Variants in SEPTIN4 observed in about 807,000 individuals in gnomAD.
SEPTIN4 encodes septin 4, also known as septin-4.
SEPTIN4 carries 52 observed loss-of-function variants against 107.1 expected under a neutral mutation model. The ratio of observed to expected loss-of-function variants is 0.49; its 90% CI spans 0.39 to 0.61. The LOEUF (loss-of-function observed/expected upper bound fraction) is 0.61. Among genes scored for constraint, SEPTIN4 ranks in the 20% least tolerant of loss-of-function variants. The probability of loss-of-function intolerance (pLI) is 0.00; values close to 1 mark genes in which losing one functional copy is unlikely to be tolerated. For synonymous variants in SEPTIN4, 417 were observed against 467.0 expected, an observed-to-expected ratio of 0.89 and a Z score of 1.38; for missense variants, 1,048 against 1,243.5, an observed-to-expected ratio of 0.84 and a Z score of 2.36.
chr17:58,525,248 C>A, intron 6 of SEPTIN4, 47 bp from the exon 7 acceptor site: 1 of 1,605,658 alleles, frequency 6.2e-7, no homozygotes, highest in South Asian at 1.1e-5. Flanking sequence ...GGGACCTGCC[C>A]AGTCAGGATG....
chr17:58,543,510 T>C lies in SEPTIN4; in HGVS notation c.677A>G (p.Glu226Gly). 1 of 1,614,208 alleles carries C rather than the reference T, an allele frequency of 6.2e-7. No individual in the cohort carries two copies. Among genetic ancestry groups the C allele is most frequent in the East Asian group, 2.2e-5 (1 of 44,880 alleles). The change falls in exon 1 of 14, where the codon GAG becomes GGG. Residue 226 changes from glutamate to glycine, a missense_variant. Coordinates refer to ENST00000672673, the MANE Select transcript of SEPTIN4 (RefSeq NM_001368771.2). ...IRSPRSPSLL[E>G]HGSSCVSADY... is the part of the protein sequence containing the mutation. The stretch of plus-strand genomic sequence containing the variant: ...TGCAGAGACACAGCTGCTTCCGTGC[T>C]CTAGGAGAGAGGGACTCCTTGGAGA...
rs765816695 is a variant in SEPTIN4, at chr17:58,544,076, T to C, written c.111A>G (p.Ser37=). The C allele has an allele frequency of 6.2e-7, 1 of 1,614,150 alleles. No homozygotes were observed. The highest frequency in any genetic ancestry group is 8.5e-7 in the Non-Finnish European group (1 of 1,180,036). Residue 37 remains serine (S), a synonymous_variant, in exon 1 of 14, where the codon TCA becomes TCG. Coordinates refer to ENST00000672673, the MANE Select transcript of SEPTIN4 (RefSeq NM_001368771.2). ...PQQGHGYVLA[S]SHRSAAVSLN... ...GGGAGACTGCAGCACTTCGATGGCTTGAGGCAAGAACGTACCCATGTCCCT... is the reference window on the plus strand; with the variant it reads ...GGGAGACTGCAGCACTTCGATGGCTCGAGGCAAGAACGTACCCATGTCCCT...
chr17:58,530,663 T>TA (rs1463934062), intron 3 of SEPTIN4: 1 of 152,378 alleles, frequency 6.6e-6, no homozygotes, highest in East Asian at 1.9e-4. Context: ...AAAGCCCCTC[T>TA]AGCCCCTGCT....
intron 7 of SEPTIN4, among the ~76,000 whole-genome samples, chr17:58,523,299 CG>C (rs2042476139): frequency 6.7e-6 from 1 of 149,350 alleles, no homozygotes; most frequent in Non-Finnish European, 1.5e-5. Flanking sequence ...AACCTGAGCC[CG>C]GGGAGCCCCG....
At chr17:58,533,189 G>T (rs1371121895) in intron 3 of SEPTIN4, among the ~76,000 whole-genome samples, 2 of 152,076 alleles carry the variant, frequency 1.3e-5, no homozygotes, top group Non-Finnish European at 2.9e-5. Flanking sequence ...GGGGCAGCAG[G>T]TAAGATCAGG....
At chr17:58,522,471 C>G (rs1232266959) in intron 7 of SEPTIN4, among the ~76,000 whole-genome samples, 1 of 151,778 alleles carries the variant, frequency 6.6e-6, no homozygotes, top group Non-Finnish European at 1.5e-5. Context: ...ACCACCCTGA[C>G]CAACATGGTG....
At chr17:58,526,555 C>A (rs2042898009) in intron 4 of SEPTIN4, 127 bp downstream of exon 4, 2 of 1,417,584 alleles carry the variant, frequency 1.4e-6, no homozygotes, top group Non-Finnish European at 9.2e-7. Context: ...AAATAGGTCC[C>A]AGATACACAC....
At position 58,520,494 on chromosome 17, in the gene SEPTIN4, G is replaced by A. The variant is rs2042141975; in HGVS notation, c.2932-9C>T. Reference sequence around the variant, plus strand: ...TCCTGCATCCGCCGCAGCTGGAATAGGCACAGGCATCAAAATGGGGACTTT... The same window carrying A: ...TCCTGCATCCGCCGCAGCTGGAATAAGCACAGGCATCAAAATGGGGACTTT... On this transcript the variant is annotated splice_polypyrimidine_tract_variant and intron_variant, in intron 13 of 13. Coordinates refer to ENST00000672673, the MANE Select transcript of SEPTIN4 (RefSeq NM_001368771.2). The A allele has an allele frequency of 6.2e-7, 1 of 1,613,664 alleles. No homozygotes were observed.
Position 58,538,635 on chromosome 17 carries a change from C to CA in SEPTIN4, c.1614+2030_1614+2031insT, listed in dbSNP as rs1342442083. On this transcript the variant is annotated intron_variant, in intron 3 of 13. Coordinates refer to ENST00000672673, the MANE Select transcript of SEPTIN4 (RefSeq NM_001368771.2). This position sits in a 1 kb window ranked among gnomAD's most constrained non-coding sequence, Gnocchi z 4.7. ...GTTGAGCTTTTGCTAGTTCTGATCC[C>CA]CAAAAAAAACCCATCAGGAATGCTT... is the stretch of plus-strand genomic sequence containing the variant. Among the ~76,000 whole-genome samples, 24 of 151,484 alleles carry CA rather than the reference C, an allele frequency of 1.6e-4. No homozygotes were observed. Among genetic ancestry groups the CA allele is most frequent in the East Asian group, 3.9e-4 (2 of 5,162 alleles).
At chr17:58,533,127 G>A (rs763081296) in intron 3 of SEPTIN4, among the ~76,000 whole-genome samples, 1 of 152,238 alleles carries the variant, frequency 6.6e-6, no homozygotes, top group Non-Finnish European at 1.5e-5. Flanking sequence ...CTGTGAACCA[G>A]TAGCACTGGT....
At position 58,543,605 on chromosome 17, in the gene SEPTIN4, C is replaced by A. The variant is rs1390405655; in HGVS notation, c.582G>T (p.Leu194Phe). 1.9e-6 allele frequency: 3 copies of A among 1,614,192 alleles called. No homozygotes were observed. The highest frequency in any genetic ancestry group is 1.6e-4 in the Middle Eastern group (1 of 6,062). ...GTACTGCTTCATCCTTTGGGTAAGA[C>A]AAAATCCTACGGGGAACTCTGACTC... ...PQGVRVPRRI[L>F]SYPKDEAVQT... The change falls in exon 1 of 14, where the codon TTG (leucine) becomes TTT (phenylalanine). Residue 194 changes from leucine (L) to phenylalanine (F), a missense_variant. Leu to Phe is a conservative substitution (Grantham distance 22). Coordinates refer to ENST00000672673, the MANE Select transcript of SEPTIN4 (RefSeq NM_001368771.2).
rs1332411782 is a variant in SEPTIN4, at chr17:58,521,529, C to T, written c.2571+16G>A. 3 of 1,612,850 alleles carry T rather than the reference C, an allele frequency of 1.9e-6. No homozygotes were observed. The East Asian group carries it at 6.7e-5, about 36-fold the overall frequency. On this transcript the variant is annotated intron_variant, in intron 10 of 13. Coordinates refer to ENST00000672673, the MANE Select transcript of SEPTIN4 (RefSeq NM_001368771.2). The surrounding 1 kb of genome is among the most constrained non-coding windows in gnomAD (Gnocchi z 6.4). ...AAGAAATAAGATAGGAATGGGATGC[C>T]CTAGAGTGGCCCCACCTTTAGGGCT... is the stretch of plus-strand genomic sequence containing the variant.
intron 3 of SEPTIN4, 56 bp from the exon 4 acceptor site, chr17:58,527,034 G>A (rs2042988851): frequency 6.2e-7 from 1 of 1,612,896 alleles, no homozygotes; most frequent in African/African-American, 1.3e-5. Context: ...GGAGCCGGAA[G>A]GGAAGAATGA....
At chr17:58,520,594 T>C (rs573670262) in intron 13 of SEPTIN4, 109 bp from the exon 14 acceptor site, 1 of 1,515,584 alleles carries the variant, frequency 6.6e-7, no homozygotes, top group African/African-American at 1.4e-5. Flanking sequence ...AGCCGTGAGG[T>C]GTGATGGAGA....
rs1199606126 is a variant in SEPTIN4, at chr17:58,538,757, AG to A, written c.1614+1908del. Among the ~76,000 whole-genome samples, 2 of 152,118 alleles carry A rather than the reference AG, an allele frequency of 1.3e-5. No homozygotes were observed. The highest frequency in any genetic ancestry group is 4.8e-5 in the African/African-American group (2 of 41,412). On this transcript the variant is annotated intron_variant, in intron 3 of 13. Coordinates refer to ENST00000672673, the MANE Select transcript of SEPTIN4 (RefSeq NM_001368771.2). This position sits in a 1 kb window ranked among gnomAD's most constrained non-coding sequence, Gnocchi z 4.7. ...CTGTCCACCCCATTCCTTAGACAAA[AG>A]GGCTTTGAGGGGCCATTTGGGAAGG...
intron 7 of SEPTIN4, among the ~76,000 whole-genome samples, chr17:58,522,486 C>G (rs755775279): frequency 2.0e-5 from 3 of 151,626 alleles, no homozygotes; most frequent in Non-Finnish European, 4.4e-5. Context: ...ATGGTGAAAC[C>G]CTGTCTCCAC....
intron 3 of SEPTIN4, chr17:58,532,167 G>T (rs2043530455): frequency 1.1e-6 from 1 of 950,418 alleles, no homozygotes; most frequent in Non-Finnish European, 1.3e-6. Context: ...CCGGCGCGAA[G>T]TGGGTCGGGG....
At position 58,521,141 on chromosome 17, in the gene SEPTIN4, G is replaced by A. The variant is rs745464785; in HGVS notation, c.2688C>T (p.Cys896=). 5 of 1,614,138 alleles carry A rather than the reference G, an allele frequency of 3.1e-6. No individual in the cohort carries two copies. Among genetic ancestry groups the A allele is most frequent in the Non-Finnish European group, 4.2e-6 (5 of 1,180,026 alleles). The change falls in exon 12 of 14, where the codon TGC becomes TGT. Residue 896 remains cysteine (C), a synonymous_variant. Transcript: ENST00000672673. The surrounding 1 kb of genome is among the most constrained non-coding windows in gnomAD (Gnocchi z 6.4). The part of the protein sequence containing the change: ...GIVEVENPGH[C]DFVKLRTMLV... ...GCATTGTCCTCAGCTTCACAAAGTC[G>A]CAGTGCCCTGGGTTTTCCACTGCAT...
intron 5 of SEPTIN4, 88 bp downstream of exon 5, chr17:58,526,132 C>G (rs148548662): frequency 6.2e-6 from 9 of 1,443,056 alleles, no homozygotes; most frequent in Non-Finnish European, 8.2e-6. Context: ...TTGCTCCCTG[C>G]GACCTATACT....
Sources: gnomAD v4.1 joint callset for allele counts (sites outside exome capture counted in the v4.1 genomes callset) on GRCh38, gnomAD v4.1.1 for gene constraint, Gnocchi (gnomAD v3.1) non-coding constraint, MANE v1.5 for transcripts, NCBI Gene and HGNC (gene_info 2026-07-23, HGNC 2026-07-21) for gene names.